The following RBFOX1 variants were observed in gnomAD, a reference collection of about 807,000 sequenced individuals.
RBFOX1 encodes the protein RNA binding protein fox-1 homolog 1.
In RBFOX1, 8 loss-of-function variants were observed where a neutral mutation model predicts 57.7. The ratio of observed to expected loss-of-function variants is 0.14; its 90% CI spans 0.08 to 0.25. The LOEUF is 0.25. Ranked by LOEUF, RBFOX1 falls within the 10% of genes least tolerant of loss-of-function variation. The probability of loss-of-function intolerance (pLI) is 1.00; values close to 1 mark genes in which losing one functional copy is unlikely to be tolerated. For synonymous variants in RBFOX1, 326 were observed against 222.4 expected (o/e 1.47, Z -4.15); for missense variants, 611 against 548.5 (o/e 1.11, Z -1.14).
rs571846341 is a variant in RBFOX1 at position 5,364,183 on chromosome 16, C to A, written c.220-103033C>A. 6.2e-4 allele frequency among the ~76,000 whole-genome samples: 94 copies of A among 152,210 alleles called. 1 individual carries two copies. The highest frequency in any genetic ancestry group is 1.9e-4 in the Non-Finnish European group (13 of 68,038). On this transcript the variant is annotated intron_variant, in intron 1 of 2. Transcript: ENST00000585867. ...ATTGCTTTATTAATTTTTAAGTTTC[C>A]TTCACATTTAGGAACAACTTCTCCT...
intron 4 of RBFOX1, among the ~76,000 whole-genome samples, chr16:7,282,721 C>G (rs1215484648): frequency 6.6e-6 from 1 of 152,124 alleles, no homozygotes; most frequent in Non-Finnish European, 1.5e-5. Context: ...GGCTTTTACC[C>G]CTCACCTCCT....
chr16:6,972,512 A>T (rs1028388928), intron 3 of RBFOX1, among the ~76,000 whole-genome samples: 5 of 152,094 alleles, frequency 3.3e-5, no homozygotes, highest in Non-Finnish European at 7.4e-5. Flanking sequence ...GGTTGCCGCC[A>T]CTTGTTGGTG....
intron 3 of RBFOX1, among the ~76,000 whole-genome samples, chr16:6,685,781 A>G (rs182221035): frequency 1.1e-4 from 17 of 152,208 alleles, no homozygotes; most frequent in Non-Finnish European, 2.1e-4. Flanking sequence ...AAGCACCTGA[A>G]ATTTTAACAA....
At chr16:6,581,002 T>C (rs1247905049) in intron 2 of RBFOX1, among the ~76,000 whole-genome samples, 1 of 152,046 alleles carries the variant, frequency 6.6e-6, no homozygotes, top group African/African-American at 2.4e-5. Context: ...TTGCTTTGGA[T>C]GAAGAATGTG....
intron 1 of RBFOX1, among the ~76,000 whole-genome samples, chr16:5,247,709 C>G (rs534149711): frequency 6.6e-6 from 1 of 152,300 alleles, no homozygotes; most frequent in African/African-American, 2.4e-5. Context: ...GACCTATGGC[C>G]TGCAATGCTG....
chr16:7,317,585 G>C (rs962954600), intron 4 of RBFOX1, among the ~76,000 whole-genome samples: 1 of 152,130 alleles, frequency 6.6e-6, no homozygotes, highest in South Asian at 2.1e-4. Context: ...AAGGTGCTCT[G>C]TAGCATCCCA....
chr16:7,144,074 C>T (rs368092410), intron 4 of RBFOX1, among the ~76,000 whole-genome samples: 2 of 152,122 alleles, frequency 1.3e-5, no homozygotes, highest in Admixed American at 6.5e-5. Context: ...TGTCTGTAGG[C>T]TTTTTCCCTT....
chr16:5,316,269 G>C (rs2151235391), intron 1 of RBFOX1, among the ~76,000 whole-genome samples: 1 of 152,326 alleles, frequency 6.6e-6, no homozygotes, highest in East Asian at 1.9e-4. Context: ...TGCCTTCTCA[G>C]ATATCCTTAT....
chr16:7,305,615 A>C (rs530711862), intron 4 of RBFOX1, among the ~76,000 whole-genome samples: 1 of 152,202 alleles, frequency 6.6e-6, no homozygotes, highest in Admixed American at 6.5e-5. Context: ...CTCTTCCCCA[A>C]GACCCTCAAT....
intron 4 of RBFOX1, among the ~76,000 whole-genome samples, chr16:7,399,129 A>G (rs2098192960): frequency 6.6e-6 from 1 of 152,208 alleles, no homozygotes. Context: ...CGAATCCAAC[A>G]TGAAAGTTGA....
intron 4 of RBFOX1, among the ~76,000 whole-genome samples, chr16:7,180,886 A>C (rs371680616): frequency 6.6e-6 from 1 of 152,204 alleles, no homozygotes; most frequent in South Asian, 2.1e-4. Context: ...TGGTTGGCAA[A>C]CTTTTCCTGC....
chr16:6,608,288 A>C (rs2097976817), intron 2 of RBFOX1, among the ~76,000 whole-genome samples: 1 of 152,202 alleles, frequency 6.6e-6, no homozygotes, highest in African/African-American at 2.4e-5. Context: ...TTCAAAGTAA[A>C]GCCATATAGT....
intron 4 of RBFOX1, among the ~76,000 whole-genome samples, chr16:7,507,976 C>G (rs907494937): frequency 6.6e-6 from 1 of 151,492 alleles, no homozygotes; most frequent in African/African-American, 2.4e-5. Flanking sequence ...AACTCTTTGT[C>G]TATTTAAGTT....
intron 3 of RBFOX1, among the ~76,000 whole-genome samples, chr16:5,848,432 C>G (rs1481321146): frequency 6.6e-6 from 1 of 152,160 alleles, no homozygotes; most frequent in Admixed American, 6.5e-5. Flanking sequence ...AGAAAACCAT[C>G]TGAAAAATAA....
At chr16:7,659,483 T>G (rs967846233) in intron 12 of RBFOX1, among the ~76,000 whole-genome samples, 1 of 152,168 alleles carries the variant, frequency 6.6e-6, no homozygotes, top group Non-Finnish European at 1.5e-5. Context: ...CAGAATACTT[T>G]AGACACAGGG....
intron 3 of RBFOX1, among the ~76,000 whole-genome samples, chr16:5,614,478 T>G (rs2047945507): frequency 1.3e-5 from 2 of 152,200 alleles, no homozygotes; most frequent in Admixed American, 1.3e-4. Flanking sequence ...ATAAATGATT[T>G]CTGGTGCACT....
chr16:5,890,697 G>GAAAAAAA (rs71404558), intron 4 of RBFOX1, among the ~76,000 whole-genome samples: 1 of 61,468 alleles, frequency 1.6e-5, no homozygotes, highest in South Asian at 8.3e-4. Context: ...AGTCTGTATT[G>GAAAAAAA]AAAAAAAAAA....
chr16:5,912,078 G>T (rs1364566079), intron 4 of RBFOX1, among the ~76,000 whole-genome samples: 2 of 152,242 alleles, frequency 1.3e-5, no homozygotes, highest in African/African-American at 4.8e-5. Context: ...CTAAAGTAGA[G>T]ACTGGTGGAA....
intron 4 of RBFOX1, among the ~76,000 whole-genome samples, chr16:7,168,731 A>C (rs942915507): frequency 6.6e-6 from 1 of 152,178 alleles, no homozygotes; most frequent in Non-Finnish European, 1.5e-5. Context: ...CAGTCCCTAA[A>C]AATATCCATA....
Sources: allele counts gnomAD v4.1 joint callset (sites outside exome capture counted in the v4.1 genomes callset), GRCh38; gene constraint gnomAD v4.1.1; transcripts MANE v1.5; gene names NCBI Gene and HGNC (gene_info 2026-07-23, HGNC 2026-07-21).